ARHGEF19: variants seen among roughly 807,000 people sequenced by gnomAD.
ARHGEF19 encodes Rho guanine nucleotide exchange factor (GEF) 19.
A neutral mutation model predicts 87.6 loss-of-function variants in ARHGEF19; 92 were observed. The ratio of observed to expected loss-of-function variants is 1.05; its 90% confidence interval spans 0.89 to 1.25. The LOEUF (loss-of-function observed/expected upper bound fraction) is 1.25, where lower values mean the gene tolerates loss of function less well. Among genes scored for constraint, ARHGEF19 ranks in the 50% most tolerant of loss-of-function variants. ARHGEF19 has a pLI of 0.00. For synonymous variants in ARHGEF19, 438 were observed against 446.2 expected, an observed-to-expected ratio of 0.98 and a Z score of 0.23; for missense variants, 1,054 against 1,051.8, an observed-to-expected ratio of 1.00 and a Z score of -0.03.
At position 16,206,022 on chromosome 1, in the gene ARHGEF19, C is replaced by G; in HGVS notation, c.1360G>C (p.Val454Leu). Residue 454 changes from valine (V) to leucine (L), a missense_variant, in exon 8 of 16, where the codon GTG becomes CTG. Coordinates refer to ENST00000270747, the MANE Select transcript of ARHGEF19 (RefSeq NM_153213.5). This position sits in a 1 kb window ranked among gnomAD's most constrained non-coding sequence, Gnocchi z 4.6. Reference sequence around the variant, plus strand: ...AAGGCCGGGCAGTGGTCCAGCACCACGTCGCACACGCTGAAGCGCAGCACA... The same window carrying G: ...AAGGCCGGGCAGTGGTCCAGCACCAGGTCGCACACGCTGAAGCGCAGCACA... The part of the protein sequence containing the change: ...ADVLRFSVCD[V>L]VLDHCPAFRR... The G allele has an allele frequency of 6.2e-7, 1 of 1,600,238 alleles. No individual in the cohort carries two copies.
At chr1:16,211,462 G>C (rs1415846283) in intron 1 of ARHGEF19, among the ~76,000 whole-genome samples, 2 of 152,230 alleles carry the variant, frequency 1.3e-5, no homozygotes, top group Non-Finnish European at 2.9e-5. Flanking sequence ...GGCTCACAGG[G>C]ATAAGTAGGC....
At position 16,206,438 on chromosome 1, in the gene ARHGEF19, C is replaced by T; in HGVS notation, c.1138-98G>A. 3 of 1,370,166 alleles carry T rather than the reference C, an allele frequency of 2.2e-6. No homozygotes were observed. The highest frequency in any genetic ancestry group is 3.0e-6 in the Non-Finnish European group (3 of 984,136). The allele number at this position is 1,370,166 out of a possible 1,614,324, so 84.9% of individuals were successfully genotyped here. A position where few individuals can be genotyped will look rare whatever the true frequency, so the allele number is the denominator to read the frequency against. ...GACCCCAGGACGCCACACCTCGCGT[C>T]CTCGCCCCTTCTCTAGCCCCACTCC... On this transcript the variant is annotated intron_variant, in intron 6 of 15. Transcript: ENST00000270747. This position sits in a 1 kb window ranked among gnomAD's most constrained non-coding sequence, Gnocchi z 4.6.
Position 16,204,910 on chromosome 1 carries a change from G to A in ARHGEF19, c.1756C>T (p.Leu586=). ...KIHFEGKIFP[L]ISQARWLVRH... Reference sequence around the variant, plus strand: ...ACCAGCCAGCGGGCCTGAGAGATCAGCGGGAAAATCTAGAGGGATGGAGAA... The same window carrying A: ...ACCAGCCAGCGGGCCTGAGAGATCAACGGGAAAATCTAGAGGGATGGAGAA... Residue 586 remains leucine (L), a synonymous_variant, in exon 12 of 16, where the codon CTG becomes TTG. Coordinates refer to ENST00000270747, the MANE Select transcript of ARHGEF19 (RefSeq NM_153213.5). 1.9e-6 allele frequency: 3 copies of A among 1,601,020 alleles called. No individual in the cohort carries two copies. The highest frequency in any genetic ancestry group is 1.7e-6 in the Non-Finnish European group (2 of 1,173,354).
At chr1:16,211,367 GC>G (rs900657724) in intron 1 of ARHGEF19, among the ~76,000 whole-genome samples, 2 of 152,142 alleles carry the variant, frequency 1.3e-5, no homozygotes, top group Non-Finnish European at 2.9e-5. Context: ...ATGTACACAT[GC>G]CCCCTGCCCC....
Position 16,204,833 on chromosome 1 carries a change from G to C in ARHGEF19, c.1833C>G (p.Ala611=). 1 of 1,609,348 alleles carries C rather than the reference G, an allele frequency of 6.2e-7. No individual in the cohort carries two copies. Among genetic ancestry groups the C allele is most frequent in the Non-Finnish European group, 8.5e-7 (1 of 1,177,826 alleles). ...CTGCCTTGCTGGACAGCTTCAGCTT[G>C]GCAGGGGGTGCTGCAGGCAGTGGTG... is the stretch of plus-strand genomic sequence containing the variant. ...ELAPLPAAPP[A]KLKLSSKAVY... The change falls in exon 12 of 16, where the codon GCC becomes GCG. Residue 611 remains alanine, a synonymous_variant. Transcript: ENST00000270747.
At chr1:16,211,211 A>T (rs981968456) in intron 1 of ARHGEF19, among the ~76,000 whole-genome samples, 1 of 152,218 alleles carries the variant, frequency 6.6e-6, no homozygotes, top group African/African-American at 2.4e-5. Context: ...GATGGGGAAG[A>T]TGAAGGAGTG....
At position 16,198,348 on chromosome 1, in the gene ARHGEF19, G is replaced by A; in HGVS notation, c.*239C>T. On this transcript the variant is annotated 3_prime_UTR_variant, in exon 16 of 16. Transcript: ENST00000270747. This position sits in a 1 kb window ranked among gnomAD's most constrained non-coding sequence, Gnocchi z 4.1. ...CCAGGTATCAGTGATCACCTGTTAT[G>A]GTCCCCATGTCAGAGGAAGAAACTA... The A allele has an allele frequency of 2.5e-6, 1 of 404,218 alleles. No individual in the cohort carries two copies. The allele number at this position is 404,218 out of a possible 1,614,324, so 25.0% of individuals were successfully genotyped here.
At chr1:16,202,287 C>T (rs2081089739) in intron 13 of ARHGEF19, 129 bp downstream of exon 13, 2 of 1,339,836 alleles carry the variant, frequency 1.5e-6, no homozygotes, top group South Asian at 2.9e-5. Context: ...AAGAGTTGAG[C>T]ACTTGGGGAG....
At chr1:16,202,226 A>G (rs221038) in intron 13 of ARHGEF19, among the ~76,000 whole-genome samples, 190 bp downstream of exon 13, 41,729 of 152,140 alleles carry the variant, frequency 0.27, 5,959 homozygotes, top group South Asian at 0.39. Flanking sequence ...AGGCACCCCT[A>G]CTCTGGCCTC....
chr1:16,208,619 C>T, intron 2 of ARHGEF19, 24 bp downstream of exon 2: 1 of 1,577,286 alleles, frequency 6.3e-7, no homozygotes, highest in Non-Finnish European at 8.6e-7. Context: ...GGCACCCACA[C>T]CCGCCTTCCC....
In ARHGEF19 at chr1:16,208,106, C is replaced by T. The variant is rs2081162850; in HGVS notation, c.532G>A (p.Val178Met). The change falls in exon 3 of 16, where the codon GTG becomes ATG. Residue 178 changes from valine (V) to methionine (M), a missense_variant. Coordinates refer to ENST00000270747, the MANE Select transcript of ARHGEF19 (RefSeq NM_153213.5). ...EQALSTEEPR[V>M]ELSGSTRVSL... Reference sequence around the variant, plus strand: ...ACTCGGGTGGACCCAGACAACTCCACCCTGGGCTCCTCTGTGCTCAGGGCC... The same window carrying T: ...ACTCGGGTGGACCCAGACAACTCCATCCTGGGCTCCTCTGTGCTCAGGGCC... The T allele has an allele frequency of 1.2e-6, 2 of 1,613,960 alleles. No individual in the cohort carries two copies. The highest frequency in any genetic ancestry group is 1.1e-5 in the South Asian group (1 of 91,094).
rs2081115328 is a variant in ARHGEF19, at chr1:16,205,103, ATCT to A, written c.1727_1729del (p.Lys576del). The A allele has an allele frequency of 3.7e-6, 6 of 1,604,850 alleles. No homozygotes were observed. Among genetic ancestry groups the A allele is most frequent in the Non-Finnish European group, 4.3e-6 (5 of 1,175,872 alleles). On this transcript the variant is annotated inframe_deletion, in exon 11 of 16. Coordinates refer to ENST00000270747, the MANE Select transcript of ARHGEF19 (RefSeq NM_153213.5). The surrounding 1 kb of genome is among the most constrained non-coding windows in gnomAD (Gnocchi z 5.8). ...GACACACACCTTGCCCTCAAAGTGG[ATCT>A]TCTTGCTCAGGTGGATGAGTTCCTC...
chr1:16,209,963 C>T (rs1438847406), intron 1 of ARHGEF19, among the ~76,000 whole-genome samples: 1 of 152,228 alleles, frequency 6.6e-6, no homozygotes, highest in Non-Finnish European at 1.5e-5. Flanking sequence ...AGGGGCTGTC[C>T]CCCACCCCAG....
At chr1:16,202,324 G>A in intron 13 of ARHGEF19, 92 bp downstream of exon 13, 1 of 1,455,514 alleles carries the variant, frequency 6.9e-7, no homozygotes, top group East Asian at 2.5e-5. Context: ...TCCCAGGGGT[G>A]CCCGCCATGG....
At chr1:16,200,337 C>G (rs1435834475) in intron 14 of ARHGEF19, among the ~76,000 whole-genome samples, 1 of 152,222 alleles carries the variant, frequency 6.6e-6, no homozygotes, top group Non-Finnish European at 1.5e-5. Context: ...AGATTTAATG[C>G]AAATACAAGG....
In ARHGEF19 at chr1:16,205,585, G is replaced by C. The variant is rs780268726; in HGVS notation, c.1534C>G (p.Leu512Val). Residue 512 changes from leucine (L) to valine (V), a missense_variant, in exon 9 of 16, where the codon CTT becomes GTT. Coordinates refer to ENST00000270747, the MANE Select transcript of ARHGEF19 (RefSeq NM_153213.5). This position sits in a 1 kb window ranked among gnomAD's most constrained non-coding sequence, Gnocchi z 5.8. The part of the protein sequence containing the change: ...VCQRLPLTSF[L>V]ILPFQRITRL... The stretch of plus-strand genomic sequence containing the variant: ...GTGATCCTCTGGAAGGGCAGGATAA[G>C]GAAGGAGGTAAGGGGCAGACGCTGG... 2.5e-6 allele frequency: 4 copies of C among 1,613,940 alleles called. No homozygotes were observed. In the African/African-American group the frequency reaches 5.3e-5, roughly 22 times the overall value.
Position 16,205,067 on chromosome 1 carries a change from C to G in ARHGEF19, c.1746+20G>C. On this transcript the variant is annotated intron_variant, in intron 11 of 15. Transcript: ENST00000270747. This position sits in a 1 kb window ranked among gnomAD's most constrained non-coding sequence, Gnocchi z 5.8. ...GAGCTGCCCCTTGGGGTCCCCATCC[C>G]GCTGGCTGCAGACACACACCTTGCC... 6.3e-7 allele frequency: 1 copy of G among 1,587,276 alleles called. No individual in the cohort carries two copies. The highest frequency in any genetic ancestry group is 8.6e-7 in the Non-Finnish European group (1 of 1,166,804).
In ARHGEF19 at chr1:16,201,751, A is replaced by AG. The variant is rs751768949; in HGVS notation, c.2146+30dup. On this transcript the variant is annotated intron_variant, in intron 14 of 15. Coordinates refer to ENST00000270747, the MANE Select transcript of ARHGEF19 (RefSeq NM_153213.5). ...AGGAGAGCGGGCGAGGGTCCAGCCC[A>AG]GGGATGTAAGCAGCAGGGATGAGCT... The AG allele has an allele frequency of 2.5e-6, 4 of 1,608,950 alleles. No homozygotes were observed. The South Asian group carries it at 4.4e-5, about 18-fold the overall frequency.
rs1424680764 is a variant in ARHGEF19, at chr1:16,209,563, G to GA, written c.-29-481_-29-480insT. On this transcript the variant is annotated intron_variant, in intron 1 of 15. Coordinates refer to ENST00000270747, the MANE Select transcript of ARHGEF19 (RefSeq NM_153213.5). ...TTTTCTCCCAAGTATAGAATGACAT[G>GA]TACACTTTCATAGATACAGACATTT... Among the ~76,000 whole-genome samples the GA allele has an allele frequency of 2.0e-5, 3 of 152,284 alleles. No individual in the cohort carries two copies. In the East Asian group the frequency reaches 5.8e-4, roughly 29 times the overall value.
Sources: allele counts gnomAD v4.1 joint callset (sites outside exome capture counted in the v4.1 genomes callset), GRCh38; gene constraint gnomAD v4.1.1; non-coding constraint Gnocchi (gnomAD v3.1); transcripts MANE v1.5; gene names NCBI Gene and HGNC (gene_info 2026-07-23, HGNC 2026-07-21).